Variants in SMARCA1 observed in about 807,000 individuals in gnomAD.
The protein encoded by SMARCA1 is SNF2 related chromatin remodeling ATPase 1.
A neutral mutation model predicts 93.6 loss-of-function variants in SMARCA1; 17 were observed. The ratio of observed to expected loss-of-function variants is 0.18; its 90% CI spans 0.12 to 0.27. The LOEUF is 0.27. Among genes scored for constraint, SMARCA1 ranks in the 10% least tolerant of loss-of-function variants. The pLI is 1.00. For missense variants in SMARCA1, 630 were observed against 819.0 expected (o/e 0.77, Z 2.82); for synonymous variants, 271 against 271.4 (o/e 1.00, Z 0.01).
intron 19 of SMARCA1, among the ~76,000 whole-genome samples, chrX:129,472,495 T>C (rs1048240838): frequency 3.6e-5 from 4 of 111,551 alleles, no homozygotes; most frequent in Non-Finnish European, 7.5e-5. Flanking sequence ...AAAAGTAACT[T>C]AAAAATTAAC....
intron 6 of SMARCA1, 91 bp from the exon 7 acceptor site, chrX:129,508,187 T>A: frequency 1.8e-6 from 1 of 550,559 alleles, no homozygotes; most frequent in Non-Finnish European, 2.7e-6. Context: ...AAGAAAATAT[T>A]AAGAATTCTA....
At chrX:129,489,364 A>G (rs1258057096) in intron 15 of SMARCA1, among the ~76,000 whole-genome samples, 1 of 112,106 alleles carries the variant, frequency 8.9e-6, no homozygotes, top group Non-Finnish European at 1.9e-5. Context: ...AAACTTCTCT[A>G]TATGAAAAGG....
intron 23 of SMARCA1, among the ~76,000 whole-genome samples, chrX:129,451,307 G>A (rs893610031): frequency 5.4e-5 from 6 of 111,661 alleles, no homozygotes; most frequent in African/African-American, 1.3e-4. Flanking sequence ...AGATTTGATC[G>A]TTGGTTTCTA....
intron 23 of SMARCA1, among the ~76,000 whole-genome samples, chrX:129,457,605 A>G (rs1376015994): frequency 8.9e-6 from 1 of 111,974 alleles, no homozygotes; most frequent in African/African-American, 3.2e-5. Context: ...TTGAATCCCT[A>G]CTACTAGGTC....
Position 129,523,253 on chromosome X carries a change from C to T in SMARCA1, c.118G>A (p.Ala40Thr), listed in dbSNP as rs1444474284. The change falls in exon 1 of 25, where the codon GCC becomes ACC. Residue 40 changes from alanine to threonine, a missense_variant. Ala to Thr is a moderately conservative substitution (Grantham distance 58). Transcript: ENST00000371121. ...GPSTSQEEGA[A>T]AAATEATAAT... is the part of the protein sequence containing the mutation. ...GCGGTGGCTTCGGTGGCCGCGGCGG[C>T]CGCTCCCTCCTCCTGAGAGGTGGAC... 1 of 1,211,131 alleles carries T rather than the reference C, an allele frequency of 8.3e-7. No homozygotes were observed. The highest frequency in any genetic ancestry group is 3.0e-5 in the East Asian group (1 of 33,797).
At chrX:129,507,347 C>A (rs191603606) in intron 7 of SMARCA1, among the ~76,000 whole-genome samples, 1 of 111,867 alleles carries the variant, frequency 8.9e-6, no homozygotes, top group African/African-American at 3.2e-5. Flanking sequence ...TATAAGGTAG[C>A]CCCTCAATAA....
rs1330914048 is a variant in SMARCA1, at chrX:129,515,938, C to T, written c.485G>A (p.Arg162Gln). Residue 162 changes from arginine to glutamine, a missense_variant, in exon 4 of 25, where the codon CGG becomes CAG. Arg to Gln is a conservative substitution (Grantham distance 43, BLOSUM62 1). Around this residue, in one of 4 missense-constraint regions of SMARCA1, gnomAD observed 382 missense variants for 537.9 expected, o/e 0.71. Transcript: ENST00000371121. Reference protein sequence around the residue: ...EEDEELLSESRKTSNVCIRFE... With the variant: ...EEDEELLSESQKTSNVCIRFE... ...TCTAATACACACATTAGATGTTTTC[C>T]GACTCTCAGACAGTAGCTCTTCATC... 4 of 1,208,337 alleles carry T rather than the reference C, an allele frequency of 3.3e-6. No homozygotes were observed. Among genetic ancestry groups the T allele is most frequent in the Non-Finnish European group, 4.5e-6 (4 of 893,311 alleles).
intron 19 of SMARCA1, among the ~76,000 whole-genome samples, chrX:129,475,734 G>A (rs1448997431): frequency 8.9e-6 from 1 of 112,383 alleles, no homozygotes; most frequent in East Asian, 2.8e-4. Flanking sequence ...ATTCCATGAA[G>A]TAGTGAAAAA....
intron 21 of SMARCA1, among the ~76,000 whole-genome samples, chrX:129,466,841 A>AC (rs1311252365): frequency 1.8e-5 from 2 of 109,448 alleles, no homozygotes; most frequent in African/African-American, 6.7e-5. Context: ...TTCTCATAAA[A>AC]AAAAAAAAAA....
intron 12 of SMARCA1, 109 bp from the exon 13 acceptor site, chrX:129,493,184 G>A (rs1190905633): frequency 3.1e-6 from 1 of 326,373 alleles, no homozygotes; most frequent in South Asian, 1.4e-4. Context: ...TCAAGAATAG[G>A]GGGATGAATT....
chrX:129,468,622 C>A (rs1932990734), intron 21 of SMARCA1, 151 bp downstream of exon 21: 2 of 361,191 alleles, frequency 5.5e-6, no homozygotes, highest in Non-Finnish European at 9.4e-6. Flanking sequence ...TTCTTATAAC[C>A]TTTTCATAGA....
Position 129,523,214 on chromosome X carries a change from C to T in SMARCA1, c.157G>A (p.Gly53Ser), listed in dbSNP as rs747337702. ...CTATTTACCTCCTTCTTCTTCTCGC[C>T]CTTCTCCGTGGCCGCGGTGGCTTCG... ...ATEATAATEK[G>S]EKKKEKNVSS... The change falls in exon 1 of 25, where the codon GGC becomes AGC. Residue 53 changes from glycine (G) to serine (S), a missense_variant. Gly to Ser is a moderately conservative substitution (Grantham distance 56). Around this residue, in one of 4 missense-constraint regions of SMARCA1, gnomAD observed 103 missense variants for 82.0 expected, o/e 1.26. Coordinates refer to ENST00000371121, the MANE Select transcript of SMARCA1 (RefSeq NM_001282874.2). 3.0e-5 allele frequency: 36 copies of T among 1,209,837 alleles called. No homozygotes were observed. Among genetic ancestry groups the T allele is most frequent in the Non-Finnish European group, 3.9e-5 (35 of 894,933 alleles).
intron 23 of SMARCA1, among the ~76,000 whole-genome samples, chrX:129,455,353 G>A (rs984205875): frequency 6.8e-5 from 7 of 102,392 alleles, no homozygotes; most frequent in Non-Finnish European, 1.2e-4. Flanking sequence ...ACTAACACAG[G>A]AACAGAAAAC....
At chrX:129,462,835 TAAAGAA>T (rs936445251) in intron 23 of SMARCA1, among the ~76,000 whole-genome samples, 12 of 110,036 alleles carry the variant, frequency 1.1e-4, no homozygotes, top group Middle Eastern at 4.9e-3. Context: ...CATTTCTCGG[TAAAGAA>T]AGAGTACAGA....
intron 3 of SMARCA1, 83 bp from the exon 4 acceptor site, chrX:129,516,077 T>C (rs1322144817): frequency 1.3e-6 from 1 of 759,424 alleles, no homozygotes; most frequent in African/African-American, 2.1e-5. Flanking sequence ...CTATTATCTT[T>C]TATAGAAAAA....
At chrX:129,463,313 C>T (rs1273802461) in intron 23 of SMARCA1, among the ~76,000 whole-genome samples, 2 of 111,641 alleles carry the variant, frequency 1.8e-5, no homozygotes, top group Non-Finnish European at 3.8e-5. Context: ...AAAAGGAGTT[C>T]TCTGCTAAAC....
At chrX:129,473,613 T>C (rs1933241830) in intron 19 of SMARCA1, among the ~76,000 whole-genome samples, 1 of 112,055 alleles carries the variant, frequency 8.9e-6, no homozygotes, top group South Asian at 3.7e-4. Context: ...ATGGAATAGG[T>C]GTTCCACAAT....
At chrX:129,484,617 T>C (rs1348161572) in intron 17 of SMARCA1, among the ~76,000 whole-genome samples, 3 of 111,856 alleles carry the variant, frequency 2.7e-5, no homozygotes, top group Non-Finnish European at 3.8e-5. Flanking sequence ...ATAGAGCAAT[T>C]TGAGCAACAA....
In SMARCA1 at chrX:129,523,307, C is replaced by T. The variant is rs750745017; in HGVS notation, c.64G>A (p.Val22Met). The change falls in exon 1 of 25, where the codon GTG becomes ATG. Residue 22 changes from valine (V) to methionine (M), a missense_variant. Val to Met is a conservative substitution (Grantham distance 21). This residue lies in a region of SMARCA1 where 103 missense variants were observed against 82.0 expected (regional missense o/e 1.26). Coordinates refer to ENST00000371121, the MANE Select transcript of SMARCA1 (RefSeq NM_001282874.2). Reference sequence around the variant, plus strand: ...CCGGGCTGCTCGTCCTCTATGACCACGATAGTGGCGGTCGCATCCGCGGCT... The same window carrying T: ...CCGGGCTGCTCGTCCTCTATGACCATGATAGTGGCGGTCGCATCCGCGGCT... ...VAAADATATI[V>M]VIEDEQPGPS... 3.3e-6 allele frequency: 4 copies of T among 1,206,078 alleles called. No individual in the cohort carries two copies. The highest frequency in any genetic ancestry group is 3.4e-6 in the Non-Finnish European group (3 of 893,635).
Sources: allele counts gnomAD v4.1 joint callset (sites outside exome capture counted in the v4.1 genomes callset), GRCh38; gene constraint gnomAD v4.1.1; regional missense constraint gnomAD v4.1.1; transcripts MANE v1.5; gene names NCBI Gene and HGNC (gene_info 2026-07-23, HGNC 2026-07-21).